Variants in CECR2 observed in about 807,000 individuals in gnomAD.
CECR2 encodes CECR2 histone acetyl-lysine reader.
Under a neutral mutation model 154.5 loss-of-function variants are expected in CECR2, and 30 were observed. The ratio of observed to expected loss-of-function variants is 0.19; its 90% CI spans 0.15 to 0.26. The LOEUF (loss-of-function observed/expected upper bound fraction) is 0.26. CECR2 is among the 10% of genes least tolerant of loss of function. The pLI is 1.00. For synonymous variants in CECR2, 725 were observed against 683.7 expected, an observed-to-expected ratio of 1.06 and a Z score of -0.94; for missense variants, 1,743 against 1,829.3, an observed-to-expected ratio of 0.95 and a Z score of 0.86.
chr22:17,374,553 C>T (rs765539923), intron 1 of CECR2, among the ~76,000 whole-genome samples: 2 of 152,112 alleles, frequency 1.3e-5, no homozygotes, highest in Admixed American at 6.6e-5. Flanking sequence ...CCAACCCATA[C>T]GAGGTTAAGA....
intron 1 of CECR2, chr22:17,477,221 G>C: frequency 1.4e-6 from 1 of 699,566 alleles, no homozygotes; most frequent in Non-Finnish European, 2.7e-6. Context: ...TCTCTTTTGC[G>C]ATTAAAATAG....
chr22:17,407,052 T>C (rs1315244469), intron 1 of CECR2, among the ~76,000 whole-genome samples: 1 of 152,174 alleles, frequency 6.6e-6, no homozygotes, highest in African/African-American at 2.4e-5. Flanking sequence ...CTACCAGTCC[T>C]TTGATAACTT....
At chr22:17,459,166 T>C (rs1171106182) in intron 1 of CECR2, among the ~76,000 whole-genome samples, 1 of 152,226 alleles carries the variant, frequency 6.6e-6, no homozygotes, top group African/African-American at 2.4e-5. Context: ...CCGTTGCATA[T>C]TCCAGTTACA....
At chr22:17,367,870 T>C (rs540530832), upstream of CECR2, among the ~76,000 whole-genome samples, 16 of 152,268 alleles carry the variant, frequency 1.1e-4, no homozygotes, top group African/African-American at 3.6e-4. Flanking sequence ...CACACAAACG[T>C]AGGCTTGGCT....
rs887675876 is a variant in CECR2, at chr22:17,518,960, G to T, written c.955-5158G>T. On this transcript the variant is annotated intron_variant, in intron 8 of 18. Coordinates refer to ENST00000262608, the MANE Select transcript of CECR2 (RefSeq NM_001290047.2). ...CCAGCCCCACCCTCTTTAATTGCCT[G>T]TCCTCCTTTGTCATAGAATTCCCTA... The T allele has an allele frequency of 1.8e-5, 4 of 220,596 alleles. No individual in the cohort carries two copies. In the Admixed American group the frequency reaches 1.9e-4, roughly 11 times the overall value. 13.7% of individuals were successfully genotyped at this position (220,596 alleles called of 1,614,324 possible). A position where few individuals can be genotyped will look rare whatever the true frequency, so the allele number is the denominator to read the frequency against.
upstream of CECR2, among the ~76,000 whole-genome samples, chr22:17,365,547 T>C (rs897073509): frequency 1.4e-5 from 2 of 147,430 alleles, no homozygotes; most frequent in African/African-American, 5.0e-5. Context: ...ACAAAAAAAA[T>C]CAGCCAGGCG....
chr22:17,407,333 C>T (rs1047026539), intron 1 of CECR2, among the ~76,000 whole-genome samples: 3 of 152,204 alleles, frequency 2.0e-5, no homozygotes, highest in Admixed American at 6.5e-5. Context: ...CGGTGGCTCA[C>T]GCCTGTAATC....
At chr22:17,420,928 G>C (rs181819561) in intron 1 of CECR2, among the ~76,000 whole-genome samples, 2 of 152,176 alleles carry the variant, frequency 1.3e-5, no homozygotes, top group Admixed American at 1.3e-4. Context: ...ACATTGAGAG[G>C]TATTATGAGG....
rs535551414 is a variant in CECR2, at chr22:17,435,516, C to T, written c.127-42072C>T. Among the ~76,000 whole-genome samples, 10 of 152,128 alleles carry T rather than the reference C, an allele frequency of 6.6e-5. No individual in the cohort carries two copies. The South Asian group carries it at 1.0e-3, about 16-fold the overall frequency. On this transcript the variant is annotated intron_variant, in intron 1 of 18. Transcript: ENST00000262608. Reference sequence around the variant, plus strand: ...CATGGTGCAGTGCCTCTTCTCTCATCTCTAAGTTTAGGAAGCCCTCAGCAC... The same window carrying T: ...CATGGTGCAGTGCCTCTTCTCTCATTTCTAAGTTTAGGAAGCCCTCAGCAC...
rs695763 is a variant in CECR2 at position 17,557,145 on chromosome 22, C to CTTTTTTTTTTTTTTTTTTTTT, written c.*4325_*4326insTTTTTTTTTTTTTTTTTTTTT. The CTTTTTTTTTTTTTTTTTTTTT allele has an allele frequency of 9.4e-6, 1 of 106,540 alleles. No homozygotes were observed. Among genetic ancestry groups the CTTTTTTTTTTTTTTTTTTTTT allele is most frequent in the African/African-American group, 3.8e-5 (1 of 26,554 alleles). The allele number at this position is 106,540 out of a possible 1,614,324, so 6.6% of individuals were successfully genotyped here. A position where few individuals can be genotyped will look rare whatever the true frequency, so the allele number is the denominator to read the frequency against. ...TACTGCATCCCGTTTTTTTTCTTTT[C>CTTTTTTTTTTTTTTTTTTTTT]TTTTTTTTTTTTTTTTTTTTGAGAC... On this transcript the variant is annotated 3_prime_UTR_variant, in exon 19 of 19. Coordinates refer to ENST00000262608, the MANE Select transcript of CECR2 (RefSeq NM_001290047.2).
At chr22:17,421,916 C>T (rs540808837) in intron 1 of CECR2, among the ~76,000 whole-genome samples, 1 of 150,104 alleles carries the variant, frequency 6.7e-6, no homozygotes, top group African/African-American at 2.5e-5. Flanking sequence ...CTACACATCT[C>T]CTCAATTGTT....
chr22:17,449,483 CTTTTT>C (rs35473694), intron 1 of CECR2, among the ~76,000 whole-genome samples: 1 of 71,450 alleles, frequency 1.4e-5, no homozygotes, highest in Non-Finnish European at 2.4e-5. Context: ...GTAACCAGTT[CTTTTT>C]TTTTTTTTTT....
chr22:17,362,901 CAA>C (rs372498587), intron 1 of CECR2, among the ~76,000 whole-genome samples: 4,752 of 82,110 alleles, frequency 0.058, 202 homozygotes, highest in African/African-American at 0.17. Context: ...AACTCCGTCT[CAA>C]AAAAAAAAAA....
intron 1 of CECR2, among the ~76,000 whole-genome samples, chr22:17,458,571 A>G (rs1324396154): frequency 6.6e-6 from 1 of 151,952 alleles, no homozygotes; most frequent in Admixed American, 6.6e-5. Context: ...GGAAATTCTG[A>G]TGAAGATCAC....
chr22:17,514,274 C>T (rs956290435), intron 8 of CECR2, among the ~76,000 whole-genome samples: 3 of 152,126 alleles, frequency 2.0e-5, no homozygotes, highest in African/African-American at 4.8e-5. Flanking sequence ...GTTGGGTGTT[C>T]GTCTCAAATG....
chr22:17,484,166 C>T (rs2055378863), intron 2 of CECR2, among the ~76,000 whole-genome samples: 4 of 152,178 alleles, frequency 2.6e-5, no homozygotes, highest in Admixed American at 2.6e-4. Flanking sequence ...TAGAACATAT[C>T]CTTTATGTTA....
At chr22:17,465,187 G>T (rs961117278) in intron 1 of CECR2, among the ~76,000 whole-genome samples, 1 of 151,776 alleles carries the variant, frequency 6.6e-6, no homozygotes, top group Non-Finnish European at 1.5e-5. Flanking sequence ...TAGTAAAGAC[G>T]GGGTTTCACC....
intron 1 of CECR2, 50 bp from the exon 2 acceptor site, chr22:17,477,538 T>A: frequency 1.6e-6 from 2 of 1,283,968 alleles, no homozygotes; most frequent in Non-Finnish European, 1.1e-6. Flanking sequence ...GGGTGTGTAT[T>A]TTAAGAAATC....
intron 16 of CECR2, among the ~76,000 whole-genome samples, chr22:17,544,838 GT>G (rs2056586901): frequency 9.7e-6 from 1 of 103,348 alleles, no homozygotes; most frequent in Non-Finnish European, 2.2e-5. Context: ...AAAAAAAAAG[GT>G]TCATGCCTAT....
Sources: gnomAD v4.1 joint callset for allele counts (sites outside exome capture counted in the v4.1 genomes callset) on GRCh38, gnomAD v4.1.1 for gene constraint, MANE v1.5 for transcripts, NCBI Gene and HGNC (gene_info 2026-07-23, HGNC 2026-07-21) for gene names.